PDE4D: variants seen among roughly 807,000 people sequenced by gnomAD.
The protein encoded by PDE4D is phosphodiesterase 4D, also known as 3',5'-cyclic-AMP phosphodiesterase 4D.
PDE4D carries 24 observed loss-of-function variants against 87.4 expected under a neutral mutation model. That is an observed-to-expected ratio of 0.27 (90% CI 0.20 to 0.39). PDE4D has a LOEUF of 0.39. Among genes scored for constraint, PDE4D ranks in the 10% least tolerant of loss-of-function variants. The pLI is 1.00. For synonymous variants in PDE4D, 384 were observed against 383.2 expected (o/e 1.00, Z -0.02); for missense variants, 714 against 1,041.0 (o/e 0.69, Z 4.32).
chr5:59,048,303 T>C (rs748574214), intron 5 of PDE4D, among the ~76,000 whole-genome samples: 5 of 152,222 alleles, frequency 3.3e-5, no homozygotes, highest in Non-Finnish European at 5.9e-5. Context: ...TTTATTTCCC[T>C]GGGGGGACTG....
chr5:59,462,677 G>A (rs1800954342), intron 1 of PDE4D, among the ~76,000 whole-genome samples: 1 of 152,166 alleles, frequency 6.6e-6, no homozygotes, highest in South Asian at 2.1e-4. Flanking sequence ...ACTAAATGGA[G>A]CAGAGAGCAA....
intron 1 of PDE4D, among the ~76,000 whole-genome samples, chr5:60,484,481 G>T (rs1380925895): frequency 2.6e-5 from 4 of 152,088 alleles, no homozygotes; most frequent in Admixed American, 6.5e-5. Context: ...AATTTGCAAA[G>T]AATTTTTATT....
At chr5:60,435,771 A>G (rs1339503324) in intron 1 of PDE4D, among the ~76,000 whole-genome samples, 1 of 152,110 alleles carries the variant, frequency 6.6e-6, no homozygotes, top group Admixed American at 6.6e-5. Context: ...TTAAAGTCCA[A>G]TATTTTATTG....
chr5:59,644,253 AG>A (rs1243489507), intron 1 of PDE4D, among the ~76,000 whole-genome samples: 1 of 152,250 alleles, frequency 6.6e-6, no homozygotes. Flanking sequence ...AAGATAAAAT[AG>A]TACCTTGGCA....
At chr5:59,116,186 G>A (rs536796310) in intron 5 of PDE4D, among the ~76,000 whole-genome samples, 113 of 152,226 alleles carry the variant, frequency 7.4e-4, no homozygotes, top group Non-Finnish European at 1.2e-3. Context: ...ACATTATAAT[G>A]TTTTTTGAGC....
At chr5:59,828,373 C>A (rs960527262) in intron 1 of PDE4D, among the ~76,000 whole-genome samples, 1 of 151,928 alleles carries the variant, frequency 6.6e-6, no homozygotes, top group Admixed American at 6.6e-5. Context: ...AGACTGTAAG[C>A]AAAACTAAAG....
At chr5:59,407,360 T>C (rs375600375) in intron 1 of PDE4D, among the ~76,000 whole-genome samples, 3 of 152,330 alleles carry the variant, frequency 2.0e-5, no homozygotes, top group African/African-American at 7.2e-5. Context: ...TTGTACAGCC[T>C]GCAGAACTGC....
At chr5:59,633,308 C>A (rs1360650255) in intron 1 of PDE4D, among the ~76,000 whole-genome samples, 1 of 152,158 alleles carries the variant, frequency 6.6e-6, no homozygotes, top group Admixed American at 6.5e-5. Context: ...AGTTGGAAAA[C>A]ACTTTTCAGG....
intron 5 of PDE4D, among the ~76,000 whole-genome samples, chr5:59,168,250 G>T (rs1438127731): frequency 6.6e-6 from 1 of 152,212 alleles, no homozygotes; most frequent in Non-Finnish European, 1.5e-5. Flanking sequence ...TTCACCCAAA[G>T]AGAAGATTAA....
intron 1 of PDE4D, among the ~76,000 whole-genome samples, chr5:59,425,686 C>T (rs1027881123): frequency 1.4e-4 from 21 of 152,144 alleles, no homozygotes; most frequent in African/African-American, 4.8e-4. Context: ...TTATTGTTTG[C>T]AATGTGTACT....
chr5:59,764,855 C>T (rs1762596180), intron 1 of PDE4D, among the ~76,000 whole-genome samples: 1 of 151,984 alleles, frequency 6.6e-6, no homozygotes, highest in African/African-American at 2.4e-5. Flanking sequence ...CGGTGTTTCG[C>T]CATGTTGCCC....
At chr5:59,240,466 A>T (rs547944428) in intron 1 of PDE4D, among the ~76,000 whole-genome samples, 7 of 152,290 alleles carry the variant, frequency 4.6e-5, no homozygotes, top group African/African-American at 1.7e-4. Flanking sequence ...TTCAGCCTTC[A>T]TAGTTCTTCA....
chr5:59,430,318 A>T (rs1582565432), intron 1 of PDE4D: 2 of 1,231,308 alleles, frequency 1.6e-6, no homozygotes, highest in East Asian at 6.3e-5. Context: ...CTTAATATCA[A>T]TTGGCATGTT....
At chr5:59,357,799 G>A (rs148780853) in intron 1 of PDE4D, among the ~76,000 whole-genome samples, 8 of 152,282 alleles carry the variant, frequency 5.3e-5, no homozygotes, top group East Asian at 3.9e-4. Context: ...CCCTAGTGCC[G>A]TCATCGGTCC....
chr5:60,289,817 C>A (rs957881510), intron 1 of PDE4D, among the ~76,000 whole-genome samples: 1 of 152,000 alleles, frequency 6.6e-6, no homozygotes, highest in Non-Finnish European at 1.5e-5. Context: ...ACCAGGAAAC[C>A]CCAACTAAAA....
intron 5 of PDE4D, among the ~76,000 whole-genome samples, chr5:59,147,457 C>T (rs778061603): frequency 6.6e-6 from 1 of 152,124 alleles, no homozygotes; most frequent in African/African-American, 2.4e-5. Flanking sequence ...ATGCATTCAA[C>T]TTTGAATACA....
chr5:58,975,983 G>A lies in PDE4D; in HGVS notation c.1831-144C>T, dbSNP rs1743650868. 4.7e-6 allele frequency: 3 copies of A among 637,530 alleles called. No individual in the cohort carries two copies. The highest frequency in any genetic ancestry group is 7.5e-6 in the Non-Finnish European group (3 of 399,052). 39.5% of individuals were successfully genotyped at this position (637,530 alleles called of 1,614,324 possible). A position where few individuals can be genotyped will look rare whatever the true frequency, so the allele number is the denominator to read the frequency against. On this transcript the variant is annotated intron_variant, in intron 13 of 14. Transcript: ENST00000340635. The surrounding 1 kb of genome is among the most constrained non-coding windows in gnomAD (Gnocchi z 4.2). The stretch of plus-strand genomic sequence containing the variant: ...GATTTATTCCAAACAGCTCAACCAT[G>A]ATGTGTCTGTGTATAGTTCACACTT...
chr5:59,583,333 A>C (rs1824526547), intron 1 of PDE4D, among the ~76,000 whole-genome samples: 1 of 152,196 alleles, frequency 6.6e-6, no homozygotes, highest in Non-Finnish European at 1.5e-5. Flanking sequence ...ATTCCTAGAA[A>C]GCTGACTTGC....
chr5:60,403,613 A>T (rs1741276689), intron 1 of PDE4D, among the ~76,000 whole-genome samples: 1 of 152,236 alleles, frequency 6.6e-6, no homozygotes, highest in South Asian at 2.1e-4. Flanking sequence ...CACATGAAGC[A>T]GGTATCATGT....
Sources: gnomAD v4.1 joint callset for allele counts (sites outside exome capture counted in the v4.1 genomes callset) on GRCh38, gnomAD v4.1.1 for gene constraint, Gnocchi (gnomAD v3.1) non-coding constraint, MANE v1.5 for transcripts, NCBI Gene and HGNC (gene_info 2026-07-23, HGNC 2026-07-21) for gene names.